The following CFAP47 variants were observed in gnomAD, a reference collection of about 807,000 sequenced individuals.
CFAP47 encodes the protein cilia- and flagella-associated protein 47.
A neutral mutation model predicts 148.1 loss-of-function variants in CFAP47; 29 were observed. That is an observed-to-expected ratio of 0.20 (90% confidence interval 0.15 to 0.27). The LOEUF is 0.27. Ranked by LOEUF, CFAP47 falls within the 10% of genes least tolerant of loss-of-function variation. CFAP47 has a pLI of 1.00. For synonymous variants in CFAP47, 664 were observed against 577.3 expected (o/e 1.15, Z -2.15); for missense variants, 1,872 against 1,697.5 (o/e 1.10, Z -1.81).
At chrX:36,248,139 A>C (rs1467523682) in intron 48 of CFAP47, among the ~76,000 whole-genome samples, 2 of 106,784 alleles carry the variant, frequency 1.9e-5, no homozygotes, top group African/African-American at 3.4e-5. Context: ...ATATATTATC[A>C]TATATTATAC....
chrX:36,265,674 C>T (rs928229886), intron 49 of CFAP47, among the ~76,000 whole-genome samples: 2 of 111,764 alleles, frequency 1.8e-5, no homozygotes, highest in Admixed American at 9.5e-5. Context: ...TGCTTTCTTG[C>T]CATCCAGATT....
Position 36,379,424 on chromosome X carries a change from A to G in CFAP47, c.9260A>G (p.Glu3087Gly). The G allele has an allele frequency of 1.7e-6, 2 of 1,164,870 alleles. No homozygotes were observed. The highest frequency in any genetic ancestry group is 2.3e-6 in the Non-Finnish European group (2 of 870,296). Reference sequence around the variant, plus strand: ...TTTTTTGTAAAACCTCAGGCTGGAGAACTTCTTCCTTTTAACACAAACGGA... The same window carrying G: ...TTTTTTGTAAAACCTCAGGCTGGAGGACTTCTTCCTTTTAACACAAACGGA... The part of the protein sequence containing the change: ...LEFFVKPQAG[E>G]LLPFNTNGTL... The change falls in exon 63 of 64, where the codon GAA becomes GGA. Residue 3087 changes from glutamate (E) to glycine (G), a missense_variant. Coordinates refer to ENST00000378653, the MANE Select transcript of CFAP47 (RefSeq NM_001304548.2).
intron 62 of CFAP47, among the ~76,000 whole-genome samples, chrX:36,371,940 GTA>G (rs1293614234): frequency 1.0e-5 from 1 of 97,684 alleles, no homozygotes; most frequent in Admixed American, 1.1e-4. Flanking sequence ...ACACACATGT[GTA>G]TATGTGTGTG....
chrX:36,173,681 C>G (rs1341016472), intron 39 of CFAP47, among the ~76,000 whole-genome samples: 2 of 111,696 alleles, frequency 1.8e-5, no homozygotes, highest in East Asian at 5.6e-4. Flanking sequence ...GTTATAATTT[C>G]TATTCTTTTA....
At chrX:36,168,128 C>T (rs1939515697) in intron 39 of CFAP47, among the ~76,000 whole-genome samples, 1 of 111,233 alleles carries the variant, frequency 9.0e-6, no homozygotes, top group African/African-American at 3.3e-5. Flanking sequence ...TTCTTTTACC[C>T]ATCTTGTCAA....
At chrX:36,132,286 G>A (rs746364285) in intron 33 of CFAP47, among the ~76,000 whole-genome samples, 20 of 111,577 alleles carry the variant, frequency 1.8e-4, no homozygotes, top group Non-Finnish European at 3.4e-4. Context: ...AATGTGTGGA[G>A]CATCACTTGA....
chrX:36,236,368 A>G (rs1940466156), intron 47 of CFAP47, among the ~76,000 whole-genome samples: 1 of 112,270 alleles, frequency 8.9e-6, no homozygotes, highest in African/African-American at 3.2e-5. Flanking sequence ...CATTAAAGAA[A>G]TTGGTGTATC....
At chrX:36,155,131 TCTGA>T (rs1443293171) in intron 37 of CFAP47, among the ~76,000 whole-genome samples, 1 of 111,058 alleles carries the variant, frequency 9.0e-6, no homozygotes, top group African/African-American at 3.3e-5. Flanking sequence ...GCACTTGTTC[TCTGA>T]CTATTTCTAT....
At chrX:36,173,828 G>T (rs1361076962) in intron 39 of CFAP47, among the ~76,000 whole-genome samples, 1 of 111,801 alleles carries the variant, frequency 8.9e-6, no homozygotes, top group East Asian at 2.8e-4. Flanking sequence ...ACTTGGTGCA[G>T]AGCTGAGCTC....
chrX:35,923,975 A>G (rs1250048354), intron 1 of CFAP47, among the ~76,000 whole-genome samples: 1 of 98,962 alleles, frequency 1.0e-5, no homozygotes, highest in Admixed American at 1.1e-4. Context: ...ATGTGTATGT[A>G]TGTGTATATA....
chrX:36,330,105 A>C (rs1354858603), intron 57 of CFAP47, among the ~76,000 whole-genome samples: 3 of 111,947 alleles, frequency 2.7e-5, no homozygotes, highest in Admixed American at 1.9e-4. Context: ...CTGTTAAATG[A>C]TCTTTACAGA....
Position 35,975,305 on chromosome X carries a change from A to G in CFAP47, c.2413A>G (p.Thr805Ala), listed in dbSNP as rs1371644128. ...TNQFSYVILP[T>A]SSTYISMVFD... Reference sequence around the variant, plus strand: ...CCAATTTTCATACGTGATTCTACCTACATCCAGTACTTATATTTCAATGGT... The same window carrying G: ...CCAATTTTCATACGTGATTCTACCTGCATCCAGTACTTATATTTCAATGGT... Residue 805 changes from threonine to alanine, a missense_variant, in exon 14 of 64, where the codon ACA becomes GCA. Coordinates refer to ENST00000378653, the MANE Select transcript of CFAP47 (RefSeq NM_001304548.2). 8.3e-7 allele frequency: 1 copy of G among 1,207,632 alleles called. No homozygotes were observed. The highest frequency in any genetic ancestry group is 1.7e-5 in the African/African-American group (1 of 57,610).
chrX:36,004,111 T>TGCC (rs1936952525), intron 21 of CFAP47, among the ~76,000 whole-genome samples: 10 of 107,857 alleles, frequency 9.3e-5, no homozygotes, highest in African/African-American at 3.4e-4. Flanking sequence ...TAGCTGGGAG[T>TGCC]ACAGGCATGT....
At chrX:36,176,337 G>A (rs759297743) in intron 39 of CFAP47, among the ~76,000 whole-genome samples, 1 of 112,218 alleles carries the variant, frequency 8.9e-6, no homozygotes, top group Non-Finnish European at 1.9e-5. Flanking sequence ...CTGTATGGTG[G>A]TTCTAATGCT....
At chrX:36,381,104 TA>T (rs1556024069) in intron 63 of CFAP47, among the ~76,000 whole-genome samples, 1 of 112,053 alleles carries the variant, frequency 8.9e-6, no homozygotes, top group African/African-American at 3.2e-5. Flanking sequence ...CTACTTTTAT[TA>T]TTGAAAATTC....
intron 49 of CFAP47, among the ~76,000 whole-genome samples, chrX:36,275,956 A>G (rs1941011892): frequency 9.0e-6 from 1 of 110,828 alleles, no homozygotes; most frequent in Non-Finnish European, 1.9e-5. Context: ...CATTTAATCT[A>G]AAGTAATCCA....
intron 48 of CFAP47, among the ~76,000 whole-genome samples, chrX:36,245,430 T>G (rs1032642835): frequency 1.8e-5 from 2 of 111,992 alleles, no homozygotes; most frequent in African/African-American, 6.5e-5. Context: ...GTTCTACACC[T>G]AGAAAACTCT....
chrX:36,202,893 A>C (rs898091061), intron 44 of CFAP47, among the ~76,000 whole-genome samples: 3 of 109,732 alleles, frequency 2.7e-5, no homozygotes, highest in Non-Finnish European at 5.7e-5. Flanking sequence ...AAAAAAAAAG[A>C]GAAAGAAAAA....
At chrX:36,173,253 C>T (rs1176422315) in intron 39 of CFAP47, among the ~76,000 whole-genome samples, 2 of 111,349 alleles carry the variant, frequency 1.8e-5, no homozygotes, top group Non-Finnish European at 3.8e-5. Flanking sequence ...AAAACCAGCT[C>T]CTGGATTCGT....
Sources: allele counts gnomAD v4.1 joint callset (sites outside exome capture counted in the v4.1 genomes callset), GRCh38; gene constraint gnomAD v4.1.1; transcripts MANE v1.5; gene names NCBI Gene and HGNC (gene_info 2026-07-23, HGNC 2026-07-21).